Variants in PTPRD observed in about 807,000 individuals in gnomAD.
PTPRD encodes the protein protein tyrosine phosphatase receptor type D.
Under a neutral mutation model 214.5 loss-of-function variants are expected in PTPRD, and 34 were observed. The ratio of observed to expected loss-of-function variants is 0.16; its 90% CI spans 0.12 to 0.21. The LOEUF is 0.21. PTPRD is among the 10% of genes least tolerant of loss of function. The pLI is 1.00. For missense variants in PTPRD, 2,545 were observed against 2,398.7 expected (o/e 1.06, Z -1.27); for synonymous variants, 1,128 against 845.7 (o/e 1.33, Z -5.79).
intron 4 of PTPRD, among the ~76,000 whole-genome samples, chr9:9,960,962 A>T (rs2094321882): frequency 6.6e-6 from 1 of 152,126 alleles, no homozygotes; most frequent in South Asian, 2.1e-4. Context: ...ACAAATTTAC[A>T]AGAAAAAAAC....
intron 5 of PTPRD, among the ~76,000 whole-genome samples, chr9:9,836,190 G>A (rs1377427082): frequency 1.3e-5 from 2 of 152,164 alleles, no homozygotes; most frequent in African/African-American, 4.8e-5. Context: ...GCTCGTGGAA[G>A]AAACATATGG....
chr9:9,561,789 CTCTT>C (rs1342409880), intron 8 of PTPRD, among the ~76,000 whole-genome samples: 1 of 152,168 alleles, frequency 6.6e-6, no homozygotes, highest in Non-Finnish European at 1.5e-5. Flanking sequence ...ACTTTTCTTT[CTCTT>C]TCTATCTACT....
In PTPRD at chr9:8,850,538, C is replaced by T. The variant is rs28440841; in HGVS notation, c.-103-116592G>A. Among the ~76,000 whole-genome samples the T allele has an allele frequency of 6.3e-3, 961 of 152,070 alleles. 11 individuals carry two copies. The highest frequency in any genetic ancestry group is 0.022 in the African/African-American group (904 of 41,490). The stretch of plus-strand genomic sequence containing the variant: ...TATTCCTCTAGAAAAACATAGTTGC[C>T]TCTTTTCTTCCCCCTCCCCGAGAAA... On this transcript the variant is annotated intron_variant, in intron 11 of 45. Transcript: ENST00000381196.
chr9:9,195,656 G>A (rs111713724), intron 9 of PTPRD, among the ~76,000 whole-genome samples: 26 of 151,578 alleles, frequency 1.7e-4, no homozygotes, highest in African/African-American at 5.8e-4. Context: ...CAGAGTCTGT[G>A]GTATTGTTGC....
chr9:10,339,312 T>C (rs1445730780), intron 3 of PTPRD, among the ~76,000 whole-genome samples: 4 of 151,840 alleles, frequency 2.6e-5, no homozygotes, highest in Non-Finnish European at 5.9e-5. Context: ...TTGTTGTTCT[T>C]TTGTTATACA....
At chr9:10,556,341 A>T (rs1024612131) in intron 2 of PTPRD, among the ~76,000 whole-genome samples, 41 of 152,128 alleles carry the variant, frequency 2.7e-4, no homozygotes, top group Admixed American at 2.3e-3. Context: ...TAGGAAAAAA[A>T]AACATGGAAG....
At chr9:9,809,291 G>A (rs12005483) in intron 5 of PTPRD, among the ~76,000 whole-genome samples, 3 of 125,436 alleles carry the variant, frequency 2.4e-5, no homozygotes, top group Non-Finnish European at 4.8e-5. Flanking sequence ...TTTTTCAGAC[G>A]CAGTCTCACT....
At chr9:8,318,087 C>G (rs975540292) in intron 45 of PTPRD, 145 bp from the exon 46 acceptor site, 4 of 680,180 alleles carry the variant, frequency 5.9e-6, no homozygotes, top group Non-Finnish European at 9.9e-6. Flanking sequence ...AATCCAATGA[C>G]CAATTGTTTA....
intron 4 of PTPRD, among the ~76,000 whole-genome samples, chr9:10,004,459 C>A (rs1486647516): frequency 2.0e-5 from 3 of 151,954 alleles, no homozygotes; most frequent in Non-Finnish European, 4.4e-5. Context: ...TAATTCACAT[C>A]ATTTTCTTTT....
intron 10 of PTPRD, among the ~76,000 whole-genome samples, chr9:9,073,753 T>C (rs546679974): frequency 2.0e-5 from 3 of 152,304 alleles, no homozygotes; most frequent in Non-Finnish European, 2.9e-5. Flanking sequence ...TCTGTATATA[T>C]GTATATCCTA....
At chr9:9,457,634 T>C (rs1366318190) in intron 8 of PTPRD, among the ~76,000 whole-genome samples, 1 of 152,102 alleles carries the variant, frequency 6.6e-6, no homozygotes, top group Admixed American at 6.6e-5. Context: ...GATGTGAGTT[T>C]TAGAGACATG....
chr9:8,670,012 T>C (rs1378213340), intron 12 of PTPRD, among the ~76,000 whole-genome samples: 1 of 149,660 alleles, frequency 6.7e-6, no homozygotes, highest in Non-Finnish European at 1.5e-5. Flanking sequence ...GTCGGTGTTT[T>C]CTGCCTCTTT....
chr9:9,061,549 T>C (rs1477082559), intron 10 of PTPRD, among the ~76,000 whole-genome samples: 1 of 152,194 alleles, frequency 6.6e-6, no homozygotes, highest in Non-Finnish European at 1.5e-5. Flanking sequence ...ATATTTCTAA[T>C]ACACCCCAAG....
chr9:10,278,868 T>G lies in PTPRD; in HGVS notation c.-545+62095A>C, dbSNP rs560160403. ...CGGCTCACTGCAAGCTCCGTCTCCT[T>G]GGTTCAAGCCATTCTCCTGCCTCAG... On this transcript the variant is annotated intron_variant, in intron 3 of 45. Transcript: ENST00000381196. 4.3e-4 allele frequency among the ~76,000 whole-genome samples: 66 copies of G among 152,008 alleles called. 1 individual carries two copies. The highest frequency in any genetic ancestry group is 3.6e-3 in the South Asian group (17 of 4,786).
At chr9:9,963,094 C>T (rs1417069592) in intron 4 of PTPRD, among the ~76,000 whole-genome samples, 2 of 151,944 alleles carry the variant, frequency 1.3e-5, no homozygotes, top group African/African-American at 2.4e-5. Context: ...GATAATTTGA[C>T]TTTAGTAACA....
chr9:9,661,255 A>C (rs1003513318), intron 7 of PTPRD, among the ~76,000 whole-genome samples: 3 of 151,940 alleles, frequency 2.0e-5, no homozygotes, highest in African/African-American at 7.2e-5. Flanking sequence ...TTTTCAATAA[A>C]TAAAAACTAA....
At chr9:9,700,657 T>C (rs948374267) in intron 7 of PTPRD, among the ~76,000 whole-genome samples, 11 of 152,148 alleles carry the variant, frequency 7.2e-5, no homozygotes, top group African/African-American at 2.7e-4. Flanking sequence ...TACAGTCATA[T>C]ACAATAATTC....
At chr9:10,261,785 G>A (rs2498625) in intron 3 of PTPRD, among the ~76,000 whole-genome samples, 23,989 of 151,968 alleles carry the variant, frequency 0.16, 2,012 homozygotes, top group African/African-American at 0.2. Context: ...AATGGCATAA[G>A]GCAATAGTAA....
chr9:9,380,914 A>G lies in PTPRD; in HGVS notation c.-203+16535T>C, dbSNP rs150620295. Among the ~76,000 whole-genome samples, 634 of 152,162 alleles carry G rather than the reference A, an allele frequency of 4.2e-3. 3 individuals carry two copies. Among genetic ancestry groups the G allele is most frequent in the African/African-American group, 0.014 (601 of 41,530 alleles). The stretch of plus-strand genomic sequence containing the variant: ...ATTGTTACGTCTTCTTGGAGAATTG[A>G]CCTTTTTATCATTATGTAATGCTCT... On this transcript the variant is annotated intron_variant, in intron 9 of 45. Coordinates refer to ENST00000381196, the MANE Select transcript of PTPRD (RefSeq NM_002839.4).
Sources: gnomAD v4.1 joint callset for allele counts (sites outside exome capture counted in the v4.1 genomes callset) on GRCh38, gnomAD v4.1.1 for gene constraint, MANE v1.5 for transcripts, NCBI Gene and HGNC (gene_info 2026-07-23, HGNC 2026-07-21) for gene names.